EZR: variants seen among roughly 807,000 people sequenced by gnomAD.
EZR encodes the protein cytovillin 2.
A neutral mutation model predicts 74.8 loss-of-function variants in EZR; 40 were observed. That is an observed-to-expected ratio of 0.53 (90% CI 0.42 to 0.70). The LOEUF (loss-of-function observed/expected upper bound fraction) is 0.70. EZR is among the 30% of genes least tolerant of loss of function. The probability of loss-of-function intolerance (pLI) is 0.00; values close to 1 mark genes in which losing one functional copy is unlikely to be tolerated. For missense variants in EZR, 678 were observed against 755.8 expected, an observed-to-expected ratio of 0.90 and a Z score of 1.21; for synonymous variants, 341 against 283.3, an observed-to-expected ratio of 1.20 and a Z score of -2.05.
chr6:158,809,184 G>C (rs1358740236), intron 2 of EZR, among the ~76,000 whole-genome samples: 1 of 151,902 alleles, frequency 6.6e-6, no homozygotes, highest in Non-Finnish European at 1.5e-5. Flanking sequence ...AGCGTTATAG[G>C]TGGAGACCGA....
chr6:158,787,317 C>A, intron 3 of EZR, 114 bp from the exon 4 acceptor site: 1 of 727,740 alleles, frequency 1.4e-6, no homozygotes, highest in African/African-American at 1.7e-5. Flanking sequence ...ACCAGGACAT[C>A]TGCTCAGTCC....
intron 2 of EZR, among the ~76,000 whole-genome samples, chr6:158,810,268 G>GT (rs1233593252): frequency 6.6e-6 from 1 of 151,942 alleles, no homozygotes. Flanking sequence ...CTGTTTGCCT[G>GT]TAAGTGTTAA....
chr6:158,771,837 A>G (rs1349078069), intron 8 of EZR, among the ~76,000 whole-genome samples: 1 of 152,148 alleles, frequency 6.6e-6, no homozygotes, highest in Non-Finnish European at 1.5e-5. Flanking sequence ...TGTCCTCTCC[A>G]GCCTCACTGC....
chr6:158,788,109 T>C (rs1456319098), intron 3 of EZR, among the ~76,000 whole-genome samples: 1 of 152,236 alleles, frequency 6.6e-6, no homozygotes, highest in Non-Finnish European at 1.5e-5. Context: ...ATCCTTCAAA[T>C]ACATGGCTTC....
chr6:158,803,582 CATAT>C (rs60495898), intron 2 of EZR, among the ~76,000 whole-genome samples: 6 of 43,664 alleles, frequency 1.4e-4, no homozygotes, highest in Admixed American at 1.3e-3. Context: ...TATATATATA[CATAT>C]ATATATATAT....
intron 8 of EZR, among the ~76,000 whole-genome samples, chr6:158,773,122 G>A (rs1378367132): frequency 2.0e-5 from 3 of 152,174 alleles, no homozygotes; most frequent in Admixed American, 1.3e-4. Flanking sequence ...AGCTTTGGAG[G>A]ACTCTACCAA....
intron 2 of EZR, 142 bp downstream of exon 2, chr6:158,817,940 G>T: frequency 2.9e-6 from 2 of 694,230 alleles, no homozygotes; most frequent in South Asian, 3.0e-5. Flanking sequence ...AAAGAGCGGC[G>T]AAAACCTCCT....
At position 158,768,057 on chromosome 6, in the gene EZR, T is replaced by C. The variant is rs555953054; in HGVS notation, c.1345-545A>G. On this transcript the variant is annotated intron_variant, in intron 12 of 13. Coordinates refer to ENST00000367075, the MANE Select transcript of EZR (RefSeq NM_001111077.2). ...TTGCAACTTGGGATGGTGATATGGC[T>C]GTGTCCCCACCCAAATCTCATCTCC... 7.9e-5 allele frequency among the ~76,000 whole-genome samples: 12 copies of C among 152,094 alleles called. No homozygotes were observed. The South Asian group carries it at 2.3e-3, about 29-fold the overall frequency.
At chr6:158,792,295 T>C (rs1791768813) in intron 2 of EZR, among the ~76,000 whole-genome samples, 1 of 151,808 alleles carries the variant, frequency 6.6e-6, no homozygotes, top group Non-Finnish European at 1.5e-5. Flanking sequence ...CACTGCAACC[T>C]CTGCCTCCTG....
intron 2 of EZR, 150 bp from the exon 3 acceptor site, chr6:158,789,521 C>G: frequency 1.3e-6 from 1 of 784,778 alleles, no homozygotes. Flanking sequence ...ACACACCACT[C>G]CTGACTGCAG....
In EZR at chr6:158,783,650, C is replaced by G; in HGVS notation, c.568G>C (p.Glu190Gln). 6.2e-7 allele frequency: 1 copy of G among 1,613,764 alleles called. No homozygotes were observed. Among genetic ancestry groups the G allele is most frequent in the Non-Finnish European group, 8.5e-7 (1 of 1,179,882 alleles). ...AGGTCCTGAGCAATCTTCAGGTATT[C>G]CAACATAGCATTATCTCTAATTGGG... ...RGMLKDNAMLEYLKIAQDLEM... is the reference protein window; with the variant it reads ...RGMLKDNAMLQYLKIAQDLEM... Residue 190 changes from glutamate to glutamine, a missense_variant, in exon 7 of 14, where the codon GAA becomes CAA. Glu to Gln is a conservative substitution (Grantham distance 29). This residue lies in a region of EZR where 217 missense variants were observed against 232.2 expected (regional missense o/e 0.93). Coordinates refer to ENST00000367075, the MANE Select transcript of EZR (RefSeq NM_001111077.2).
chr6:158,789,354 G>A lies in EZR; in HGVS notation c.30C>T (p.Thr10=), dbSNP rs577001817. 2 of 1,614,034 alleles carry A rather than the reference G, an allele frequency of 1.2e-6. No homozygotes were observed. Among genetic ancestry groups the A allele is most frequent in the South Asian group, 2.2e-5 (2 of 91,074 alleles). MPKPINVRV[T]TMDAELEFAI... Reference sequence around the variant, plus strand: ...CAAACTCCAGCTCTGCATCCATGGTGGTAACTCGGACATTGATCTGAAAAA... The same window carrying A: ...CAAACTCCAGCTCTGCATCCATGGTAGTAACTCGGACATTGATCTGAAAAA... The change falls in exon 3 of 14, where the codon ACC becomes ACT. Residue 10 remains threonine (T), a synonymous_variant. Transcript: ENST00000367075.
Position 158,818,162 on chromosome 6 carries a change from C to G in EZR, c.-69G>C. The G allele has an allele frequency of 6.3e-7, 1 of 1,584,048 alleles. No homozygotes were observed. Among genetic ancestry groups the G allele is most frequent in the Non-Finnish European group, 8.6e-7 (1 of 1,156,776 alleles). Reference sequence around the variant, plus strand: ...ATCCAGCAGCAGCGAAGACGCTGTCCCAACCTGGAGTCAGAGCAGAACCCT... The same window carrying G: ...ATCCAGCAGCAGCGAAGACGCTGTCGCAACCTGGAGTCAGAGCAGAACCCT... On this transcript the variant is annotated 5_prime_UTR_variant, in exon 2 of 14. Coordinates refer to ENST00000367075, the MANE Select transcript of EZR (RefSeq NM_001111077.2).
At chr6:158,768,691 TGA>T (rs1790997315) in intron 12 of EZR, among the ~76,000 whole-genome samples, 1 of 152,170 alleles carries the variant, frequency 6.6e-6, no homozygotes, top group Admixed American at 6.5e-5. Context: ...CGTCCCACAA[TGA>T]GAGCTACAGC....
chr6:158,812,807 G>A (rs777341560), intron 2 of EZR, among the ~76,000 whole-genome samples: 5 of 152,054 alleles, frequency 3.3e-5, no homozygotes, highest in Non-Finnish European at 5.9e-5. Flanking sequence ...ATCCACTTGC[G>A]CAAGCCAGAA....
At position 158,792,917 on chromosome 6, in the gene EZR, TG is replaced by T. The variant is rs538288042; in HGVS notation, c.13-3547del. 2.0e-5 allele frequency among the ~76,000 whole-genome samples: 3 copies of T among 151,946 alleles called. No individual in the cohort carries two copies. The South Asian group carries it at 6.2e-4, about 32-fold the overall frequency. On this transcript the variant is annotated intron_variant, in intron 2 of 13. Coordinates refer to ENST00000367075, the MANE Select transcript of EZR (RefSeq NM_001111077.2). ...CTGAGCACCAGCAGCTCCAACACAA[TG>T]CCAACTCTTAGCTGGTCCGATCATT...
At chr6:158,799,473 T>G (rs1217044463) in intron 2 of EZR, among the ~76,000 whole-genome samples, 1 of 152,272 alleles carries the variant, frequency 6.6e-6, no homozygotes, top group Non-Finnish European at 1.5e-5. Context: ...ACATCCTTAC[T>G]AAGTCTCCAT....
chr6:158,775,419 G>T (rs950364341), intron 8 of EZR, among the ~76,000 whole-genome samples: 2 of 152,184 alleles, frequency 1.3e-5, no homozygotes, highest in Non-Finnish European at 2.9e-5. Context: ...CTGTATGTGG[G>T]GAGAAGTAAC....
rs370931420 is a variant in EZR at position 158,770,741 on chromosome 6, G to C, written c.1090+23C>G. ...GTGGAAATGCATGACCCAGTGTAGAGTGCCAGCCCCAGGGCGCCTGACCTC... is the reference window on the plus strand; with the variant it reads ...GTGGAAATGCATGACCCAGTGTAGACTGCCAGCCCCAGGGCGCCTGACCTC... On this transcript the variant is annotated intron_variant, in intron 10 of 13. Transcript: ENST00000367075. The C allele has an allele frequency of 4.3e-6, 7 of 1,614,058 alleles. 1 individual carries two copies. The highest frequency in any genetic ancestry group is 4.5e-5 in the East Asian group (2 of 44,884).
Sources: allele counts gnomAD v4.1 joint callset (sites outside exome capture counted in the v4.1 genomes callset), GRCh38; gene constraint gnomAD v4.1.1; regional missense constraint gnomAD v4.1.1; transcripts MANE v1.5; gene names NCBI Gene and HGNC (gene_info 2026-07-23, HGNC 2026-07-21).